Variants in GATB observed in about 807,000 individuals in gnomAD.
GATB encodes the protein glutamyl-tRNA(Gln) amidotransferase subunit B, mitochondrial.
GATB carries 39 observed loss-of-function variants against 62.3 expected under a neutral mutation model. The ratio of observed to expected loss-of-function variants is 0.63; its 90% confidence interval spans 0.48 to 0.82. The LOEUF (loss-of-function observed/expected upper bound fraction) is 0.82, where lower values mean the gene tolerates loss of function less well. Ranked by LOEUF, GATB falls within the 40% of genes least tolerant of loss-of-function variation. The probability of loss-of-function intolerance (pLI) is 0.00; values close to 1 mark genes in which losing one functional copy is unlikely to be tolerated. For synonymous variants in GATB, 276 were observed against 258.9 expected (o/e 1.07, Z -0.63); for missense variants, 670 against 684.0 (o/e 0.98, Z 0.23).
Position 151,719,556 on chromosome 4 carries a change from ACAGTTC to A in GATB, c.328-24_328-19del. ...TTGAGAACCTATGGGAACACAACAC[ACAGTTC>A]CTCTCAGAACCGCAGGCTGAACAAA... On this transcript the variant is annotated intron_variant, in intron 2 of 12. Coordinates refer to ENST00000263985, the MANE Select transcript of GATB (RefSeq NM_004564.3). The A allele has an allele frequency of 2.0e-6, 3 of 1,528,040 alleles. No individual in the cohort carries two copies. The highest frequency in any genetic ancestry group is 2.7e-6 in the Non-Finnish European group (3 of 1,118,162). The allele number at this position is 1,528,040 out of a possible 1,614,324, so 94.7% of individuals were successfully genotyped here.
intron 2 of GATB, among the ~76,000 whole-genome samples, chr4:151,740,703 G>A (rs760768497): frequency 2.0e-5 from 3 of 152,248 alleles, no homozygotes; most frequent in Non-Finnish European, 4.4e-5. Context: ...GCCATGGCCA[G>A]GCATGTATTG....
chr4:151,690,275 T>C (rs993196119), intron 9 of GATB, among the ~76,000 whole-genome samples: 1 of 152,238 alleles, frequency 6.6e-6, no homozygotes, highest in Non-Finnish European at 1.5e-5. Flanking sequence ...ATAAATTCTC[T>C]GGTGACAAGC....
At chr4:151,677,276 A>G (rs1487924024) in intron 11 of GATB, 1 of 152,248 alleles carries the variant, frequency 6.6e-6, no homozygotes, top group Non-Finnish European at 1.5e-5. Flanking sequence ...CTATAAAAAT[A>G]AGATACAAAA....
intron 9 of GATB, among the ~76,000 whole-genome samples, chr4:151,690,821 T>C (rs905157142): frequency 6.6e-6 from 1 of 152,174 alleles, no homozygotes; most frequent in South Asian, 2.1e-4. Context: ...GATACATAGT[T>C]TCAGTCCACA....
intron 2 of GATB, among the ~76,000 whole-genome samples, chr4:151,756,126 A>G (rs565075302): frequency 6.6e-6 from 1 of 152,366 alleles, no homozygotes; most frequent in South Asian, 2.1e-4. Context: ...GGGAAGAAGC[A>G]GGAGAGAAGG....
At chr4:151,740,446 CAGTA>C (rs1224525027) in intron 2 of GATB, among the ~76,000 whole-genome samples, 4 of 152,170 alleles carry the variant, frequency 2.6e-5, no homozygotes, top group African/African-American at 7.2e-5. Flanking sequence ...TGTAACACAA[CAGTA>C]AGTATTTGTG....
At chr4:151,687,708 C>A (rs1412995580) in intron 10 of GATB, among the ~76,000 whole-genome samples, 5 of 152,080 alleles carry the variant, frequency 3.3e-5, no homozygotes, top group Non-Finnish European at 5.9e-5. Flanking sequence ...AATGGGGATC[C>A]TATAAGAAGA....
intron 5 of GATB, among the ~76,000 whole-genome samples, chr4:151,709,538 TTC>T (rs1560852408): frequency 6.6e-6 from 1 of 152,178 alleles, no homozygotes; most frequent in Non-Finnish European, 1.5e-5. Context: ...CATCTTCTAC[TTC>T]TCTGTTTTCT....
chr4:151,728,015 T>C (rs1578926743), intron 2 of GATB, among the ~76,000 whole-genome samples: 1 of 152,182 alleles, frequency 6.6e-6, no homozygotes, highest in Non-Finnish European at 1.5e-5. Flanking sequence ...AACATAATAT[T>C]TCCCCCTTAA....
intron 5 of GATB, among the ~76,000 whole-genome samples, chr4:151,714,320 C>T (rs529166777): frequency 1.1e-4 from 17 of 152,300 alleles, no homozygotes; most frequent in African/African-American, 4.1e-4. Context: ...AAGCTGCAGG[C>T]TCCAAGGCCA....
chr4:151,757,354 G>A (rs1308521373), intron 2 of GATB, among the ~76,000 whole-genome samples: 2 of 152,060 alleles, frequency 1.3e-5, no homozygotes, highest in Non-Finnish European at 2.9e-5. Context: ...TACAACCAAA[G>A]CTGAGTGAGG....
chr4:151,734,611 A>G (rs1358025292), intron 2 of GATB, among the ~76,000 whole-genome samples: 1 of 152,182 alleles, frequency 6.6e-6, no homozygotes, highest in Non-Finnish European at 1.5e-5. Flanking sequence ...ACCAAAAAAG[A>G]GCCCGCATAA....
At chr4:151,737,419 A>G (rs1739397937) in intron 2 of GATB, among the ~76,000 whole-genome samples, 1 of 152,226 alleles carries the variant, frequency 6.6e-6, no homozygotes, top group African/African-American at 2.4e-5. Flanking sequence ...TCAAGAGGTG[A>G]CTTGGGTGCT....
In GATB at chr4:151,670,946, T is replaced by TGG; in HGVS notation, c.*227_*228insCC. 1.9e-6 allele frequency: 1 copy of TGG among 536,748 alleles called. No homozygotes were observed. The highest frequency in any genetic ancestry group is 3.0e-5 in the South Asian group (1 of 33,846). 33.2% of individuals were successfully genotyped at this position (536,748 alleles called of 1,614,324 possible). On this transcript the variant is annotated 3_prime_UTR_variant, in exon 13 of 13. Coordinates refer to ENST00000263985, the MANE Select transcript of GATB (RefSeq NM_004564.3). ...CTGCTGCAGCCTCACCGGACCCTCC[T>TGG]GATGTGGATGAAGCAGGCGGGGTGG...
Position 151,730,507 on chromosome 4 carries a change from C to G in GATB, c.328-10969G>C, listed in dbSNP as rs1739221684. On this transcript the variant is annotated intron_variant, in intron 2 of 12. Coordinates refer to ENST00000263985, the MANE Select transcript of GATB (RefSeq NM_004564.3). This position sits in a 1 kb window ranked among gnomAD's most constrained non-coding sequence, Gnocchi z 4.1. ...ATTAAACCACCAAAGCTAAGGACTC[C>G]CACGGAGTCCACTGCACCCTCTGCC... Among the ~76,000 whole-genome samples the G allele has an allele frequency of 6.6e-6, 1 of 152,198 alleles. No homozygotes were observed.
intron 2 of GATB, among the ~76,000 whole-genome samples, chr4:151,729,859 C>T (rs537320394): frequency 6.6e-6 from 1 of 152,212 alleles, no homozygotes; most frequent in South Asian, 2.1e-4. Context: ...TGATGCTGGT[C>T]GGATCATGGC....
At chr4:151,711,863 G>A (rs1446143187) in intron 5 of GATB, among the ~76,000 whole-genome samples, 2 of 152,180 alleles carry the variant, frequency 1.3e-5, no homozygotes, top group African/African-American at 4.8e-5. Context: ...TGAGTAAGCA[G>A]ACTGGTTTCT....
rs546963211 is a variant in GATB at position 151,747,783 on chromosome 4, A to G, written c.327+10989T>C. Among the ~76,000 whole-genome samples, 3 of 152,322 alleles carry G rather than the reference A, an allele frequency of 2.0e-5. No individual in the cohort carries two copies. In the East Asian group the frequency reaches 5.8e-4, roughly 29 times the overall value. On this transcript the variant is annotated intron_variant, in intron 2 of 12. Coordinates refer to ENST00000263985, the MANE Select transcript of GATB (RefSeq NM_004564.3). ...AATAAATGTCAAGTTGGAATTCTAT[A>G]CTACTATTCCAGAGTGAGGGGGAAA...
chr4:151,711,690 G>A (rs1392709245), intron 5 of GATB, among the ~76,000 whole-genome samples: 1 of 152,216 alleles, frequency 6.6e-6, no homozygotes, highest in African/African-American at 2.4e-5. Context: ...GCTGTAATTA[G>A]TTTATTTGTT....
Sources: gnomAD v4.1 joint callset for allele counts (sites outside exome capture counted in the v4.1 genomes callset) on GRCh38, gnomAD v4.1.1 for gene constraint, Gnocchi (gnomAD v3.1) non-coding constraint, MANE v1.5 for transcripts, NCBI Gene and HGNC (gene_info 2026-07-23, HGNC 2026-07-21) for gene names.